The following FRYL variants were observed in gnomAD, a reference collection of about 807,000 sequenced individuals.
FRYL encodes protein furry homolog-like.
A neutral mutation model predicts 351.2 loss-of-function variants in FRYL; 150 were observed. The observed-to-expected ratio is 0.43, with a 90% CI of 0.37 to 0.49. FRYL has a LOEUF of 0.49. FRYL is among the 20% of genes least tolerant of loss of function. FRYL has a pLI of 0.00. For synonymous variants in FRYL, 1,153 were observed against 1,257.1 expected (o/e 0.92, Z 1.75); for missense variants, 3,036 against 3,619.3 (o/e 0.84, Z 4.13).
intron 22 of FRYL, among the ~76,000 whole-genome samples, chr4:48,579,573 G>A (rs1351889288): frequency 1.3e-5 from 2 of 152,142 alleles, no homozygotes; most frequent in Non-Finnish European, 2.9e-5. Flanking sequence ...GAACTAAAGA[G>A]TGAACCATTA....
chr4:48,734,335 A>C lies in FRYL; in HGVS notation c.-383-23637T>G, dbSNP rs565619842. On this transcript the variant is annotated intron_variant, in intron 1 of 63. Transcript: ENST00000358350. ...TAAAGATTAGCATTACATAATGATA[A>C]ATGGCCAATTATCCAAAAAGACATA... is the stretch of plus-strand genomic sequence containing the variant. Among the ~76,000 whole-genome samples, 329 of 152,322 alleles carry C rather than the reference A, an allele frequency of 2.2e-3. 3 individuals carry two copies. The highest frequency in any genetic ancestry group is 7.6e-3 in the African/African-American group (317 of 41,588).
chr4:48,667,796 C>T (rs1356553431), intron 3 of FRYL, among the ~76,000 whole-genome samples: 1 of 152,152 alleles, frequency 6.6e-6, no homozygotes, highest in Non-Finnish European at 1.5e-5. Flanking sequence ...TACAGGTGCA[C>T]ACCACTACAG....
chr4:48,722,938 C>G (rs1464706037), intron 1 of FRYL, among the ~76,000 whole-genome samples: 1 of 152,146 alleles, frequency 6.6e-6, no homozygotes, highest in South Asian at 2.1e-4. Context: ...CACCAATTCT[C>G]TCTTAATATT....
In FRYL at chr4:48,550,683, G is replaced by A. The variant is rs1266670121; in HGVS notation, c.4542C>T (p.Tyr1514=). The change falls in exon 38 of 64, where the codon TAC becomes TAT. Residue 1514 remains tyrosine (Y), a synonymous_variant. Transcript: ENST00000358350. ...GATTCAAATGACTGTTTAGTCCACT[G>A]TAAATGTCCAGGTGCACATAGCTAT... ...IEESYVHLDI[Y]SGLNSHLNRQ... 2 of 1,613,032 alleles carry A rather than the reference G, an allele frequency of 1.2e-6. No individual in the cohort carries two copies. Among genetic ancestry groups the A allele is most frequent in the African/African-American group, 1.3e-5 (1 of 74,872 alleles).
In FRYL at chr4:48,595,767, T is replaced by G. The variant is rs2149228101; in HGVS notation, c.1140-69A>C. The G allele has an allele frequency of 5.2e-6, 6 of 1,149,030 alleles. No homozygotes were observed. The East Asian group carries it at 1.5e-4, about 28-fold the overall frequency. 71.2% of individuals were successfully genotyped at this position (1,149,030 alleles called of 1,614,324 possible). ...CAGCATATTAGCAAAAAATTCTTCC[T>G]ATTCTTCATAATATATTGACAGAAT... On this transcript the variant is annotated intron_variant, in intron 14 of 63. Coordinates refer to ENST00000358350, the MANE Select transcript of FRYL (RefSeq NM_015030.2).
intron 1 of FRYL, among the ~76,000 whole-genome samples, chr4:48,749,355 G>A (rs909544564): frequency 1.2e-4 from 19 of 152,320 alleles, no homozygotes; most frequent in East Asian, 9.6e-4. Flanking sequence ...CTCTGTTCCC[G>A]TGGAAACCAT....
chr4:48,546,049 A>T lies in FRYL; in HGVS notation c.5279+18T>A, dbSNP rs1248501115. On this transcript the variant is annotated intron_variant, in intron 42 of 63. Transcript: ENST00000358350. The stretch of plus-strand genomic sequence containing the variant: ...TTAACACATACACTGCTGGGATGAT[A>T]AGAGCTGCCAGTGTTACCTTGAGGT... 1 of 1,603,674 alleles carries T rather than the reference A, an allele frequency of 6.2e-7. No homozygotes were observed. The highest frequency in any genetic ancestry group is 8.5e-7 in the Non-Finnish European group (1 of 1,172,750).
intron 3 of FRYL, among the ~76,000 whole-genome samples, chr4:48,676,566 T>G (rs1763723383): frequency 6.7e-6 from 1 of 148,320 alleles, no homozygotes; most frequent in Admixed American, 6.7e-5. Flanking sequence ...TTTTTTTTTG[T>G]ATTTTTATTA....
At chr4:48,553,124 G>A (rs2149001737) in intron 36 of FRYL, 91 bp downstream of exon 36, 2 of 865,170 alleles carry the variant, frequency 2.3e-6, no homozygotes, top group South Asian at 3.8e-5. Flanking sequence ...AACATGTTAT[G>A]GGACATAGAG....
chr4:48,641,069 T>C (rs567999434), intron 3 of FRYL, among the ~76,000 whole-genome samples: 2 of 152,102 alleles, frequency 1.3e-5, no homozygotes. Context: ...TAATAGCAAA[T>C]AGCAAATTTC....
chr4:48,747,865 A>C (rs1772843263), intron 1 of FRYL, among the ~76,000 whole-genome samples: 1 of 152,258 alleles, frequency 6.6e-6, no homozygotes, highest in Non-Finnish European at 1.5e-5. Context: ...GCTTATAAAA[A>C]AGGGATAATA....
intron 1 of FRYL, among the ~76,000 whole-genome samples, chr4:48,768,246 G>A (rs539516900): frequency 4.4e-4 from 67 of 152,238 alleles, no homozygotes; most frequent in South Asian, 1.4e-3. Context: ...TCTGAATTGC[G>A]ATAGCACTCA....
rs1354302338 is a variant in FRYL, at chr4:48,499,389, A to G, written c.*33T>C. On this transcript the variant is annotated 3_prime_UTR_variant, in exon 64 of 64. Coordinates refer to ENST00000358350, the MANE Select transcript of FRYL (RefSeq NM_015030.2). ...TTGGTTAATATTCTTCATCATCTTC[A>G]GTTTAGTTTCTTTCCTAAAGGCCTG... is the stretch of plus-strand genomic sequence containing the variant. The G allele has an allele frequency of 1.3e-6, 2 of 1,598,310 alleles. No individual in the cohort carries two copies. Among genetic ancestry groups the G allele is most frequent in the Non-Finnish European group, 1.7e-6 (2 of 1,167,210 alleles).
At chr4:48,523,947 C>A (rs1417663367) in intron 53 of FRYL, among the ~76,000 whole-genome samples, 1 of 152,078 alleles carries the variant, frequency 6.6e-6, no homozygotes, top group South Asian at 2.1e-4. Flanking sequence ...ATAACTGTTG[C>A]CAATTTTAAA....
Position 48,575,207 on chromosome 4 carries a change from T to C in FRYL, c.2756A>G (p.Lys919Arg), listed in dbSNP as rs764544076. 1.2e-6 allele frequency: 2 copies of C among 1,613,878 alleles called. No individual in the cohort carries two copies. The highest frequency in any genetic ancestry group is 1.1e-5 in the South Asian group (1 of 91,064). ...AGAACGCATCATTGGAACTATGTGC[T>C]TAAACAAGGATGAAGGGGATGGGAT... ...IGIPSPSSLF[K>R]HIVPMMRSES... Residue 919 changes from lysine (K) to arginine (R), a missense_variant, in exon 25 of 64, where the codon AAG becomes AGG. Lys to Arg is a conservative substitution (Grantham distance 26). Around this residue, in one of 7 missense-constraint regions of FRYL, gnomAD observed 492 missense variants for 551.5 expected, o/e 0.89. Transcript: ENST00000358350.
intron 40 of FRYL, 25 bp from the exon 41 acceptor site, chr4:48,547,794 T>C: frequency 4.4e-6 from 6 of 1,366,492 alleles, no homozygotes; most frequent in Non-Finnish European, 5.8e-6. Flanking sequence ...AGAGAAACAT[T>C]ATCAATAAAG....
intron 2 of FRYL, among the ~76,000 whole-genome samples, chr4:48,697,746 A>C (rs1413660558): frequency 6.6e-6 from 1 of 152,206 alleles, no homozygotes; most frequent in Non-Finnish European, 1.5e-5. Context: ...CGCATGAGCC[A>C]CCATGTCTGG....
At chr4:48,737,789 T>C (rs1771610032) in intron 1 of FRYL, among the ~76,000 whole-genome samples, 1 of 152,190 alleles carries the variant, frequency 6.6e-6, no homozygotes, top group African/African-American at 2.4e-5. Flanking sequence ...AAGGTATTTA[T>C]CCCAGATATG....
At chr4:48,702,455 C>CAAAAA (rs34675617) in intron 2 of FRYL, among the ~76,000 whole-genome samples, 1 of 29,450 alleles carries the variant, frequency 3.4e-5, no homozygotes, top group Non-Finnish European at 5.7e-5. Flanking sequence ...GACTCTGTCT[C>CAAAAA]AAAAAAAAAA....
Sources: allele counts gnomAD v4.1 joint callset (sites outside exome capture counted in the v4.1 genomes callset), GRCh38; gene constraint gnomAD v4.1.1; regional missense constraint gnomAD v4.1.1; transcripts MANE v1.5; gene names NCBI Gene and HGNC (gene_info 2026-07-23, HGNC 2026-07-21).